Variants in TOP2B observed in about 807,000 individuals in gnomAD.
The protein encoded by TOP2B is DNA topoisomerase II beta, also known as DNA topoisomerase 2-beta.
Under a neutral mutation model 193.5 loss-of-function variants are expected in TOP2B, and 51 were observed. The observed-to-expected ratio is 0.26, with a 90% CI of 0.21 to 0.33. The LOEUF is 0.33. Ranked by LOEUF, TOP2B falls within the 10% of genes least tolerant of loss-of-function variation. The pLI is 1.00. For synonymous variants in TOP2B, 634 were observed against 635.7 expected (o/e 1.00, Z 0.04); for missense variants, 1,378 against 1,909.3 (o/e 0.72, Z 5.19).
In TOP2B at chr3:25,618,512, A is replaced by G. The variant is rs1702571981; in HGVS notation, c.3260-3T>C. 1 of 1,604,468 alleles carries G rather than the reference A, an allele frequency of 6.2e-7. No homozygotes were observed. The highest frequency in any genetic ancestry group is 8.5e-7 in the Non-Finnish European group (1 of 1,173,318). ...CAAATCTTTCTTTGACCTATTCTCT[A>G]TGTGAGGGAAAAATAAAGTTAGGAT... On this transcript the variant is annotated splice_polypyrimidine_tract_variant and splice_region_variant and intron_variant, in intron 24 of 35. Coordinates refer to ENST00000264331, the MANE Select transcript of TOP2B (RefSeq NM_001330700.2).
Position 25,598,176 on chromosome 3 carries a change from T to C in TOP2B, c.*131A>G. On this transcript the variant is annotated 3_prime_UTR_variant, in exon 36 of 36. Coordinates refer to ENST00000264331, the MANE Select transcript of TOP2B (RefSeq NM_001330700.2). ...TGTAAGAACAAAATGTTAAAAGGCC[T>C]ACCACAATAATAAAAAACCGTCAAT... 1 of 957,612 alleles carries C rather than the reference T, an allele frequency of 1.0e-6. No individual in the cohort carries two copies. The allele number at this position is 957,612 out of a possible 1,614,324, so 59.3% of individuals were successfully genotyped here. A position where few individuals can be genotyped will look rare whatever the true frequency, so the allele number is the denominator to read the frequency against.
rs1398451866 is a variant in TOP2B at position 25,609,577 on chromosome 3, T to C, written c.3922A>G (p.Lys1308Glu). ...TATAATCATTTCTCACCAGGCTCCT[T>C]CTTCTCCCTCTTAGGTTTGGGACCT... Reference protein sequence around the residue: ...NKGPKPKREKKEPGTRVRKTP... With the variant: ...NKGPKPKREKEEPGTRVRKTP... The change falls in exon 29 of 36, where the codon AAG (lysine) becomes GAG (glutamate). Residue 1308 changes from lysine (K) to glutamate (E), a missense_variant. This residue lies in a region of TOP2B where 556 missense variants were observed against 584.2 expected (regional missense o/e 0.95). Transcript: ENST00000264331. 12 of 1,606,414 alleles carry C rather than the reference T, an allele frequency of 7.5e-6. No homozygotes were observed. The South Asian group carries it at 1.0e-4, about 13-fold the overall frequency.
intron 11 of TOP2B, 139 bp downstream of exon 11, chr3:25,630,662 T>TA (rs1376640240): frequency 7.5e-5 from 67 of 894,262 alleles, no homozygotes; most frequent in Non-Finnish European, 9.1e-5. Context: ...ATATGTTGTG[T>TA]ATGTGATAAT....
At chr3:25,660,611 G>A (rs1286794742) in intron 1 of TOP2B, among the ~76,000 whole-genome samples, 1 of 152,098 alleles carries the variant, frequency 6.6e-6, no homozygotes, top group African/African-American at 2.4e-5. Context: ...CTTGTGTAGG[G>A]GACAGTGAAG....
Position 25,623,766 on chromosome 3 carries a change from G to T in TOP2B, c.2496-20C>A. ...AAAGTGCTAATGAAAACAAAAAGAA[G>T]CAAATGAAAAAATGTCATGGCTTTG... On this transcript the variant is annotated intron_variant, in intron 20 of 35. Transcript: ENST00000264331. 1 of 1,517,608 alleles carries T rather than the reference G, an allele frequency of 6.6e-7. No homozygotes were observed. The highest frequency in any genetic ancestry group is 9.0e-7 in the Non-Finnish European group (1 of 1,108,874). The allele number at this position is 1,517,608 out of a possible 1,614,324, so 94.0% of individuals were successfully genotyped here.
chr3:25,609,641 T>G lies in TOP2B; in HGVS notation c.3858A>C (p.Ala1286=). 1 of 1,574,026 alleles carries G rather than the reference T, an allele frequency of 6.4e-7. No homozygotes were observed. Among genetic ancestry groups the G allele is most frequent in the Non-Finnish European group, 8.6e-7 (1 of 1,162,048 alleles). The change falls in exon 29 of 36, where the codon GCA becomes GCC. Residue 1286 remains alanine, a synonymous_variant. Transcript: ENST00000264331. ...CTGATGGAGTCAATGCCTCTTCTCC[T>G]GCACCTTCTACTGGTGCTCCACTGA... ...EEFSGAPVEG[A]GEEALTPSVP... is the part of the protein sequence containing the mutation.
Position 25,610,300 on chromosome 3 carries a change from A to G in TOP2B, c.3787-588T>C, listed in dbSNP as rs367800667. On this transcript the variant is annotated intron_variant, in intron 28 of 35. Coordinates refer to ENST00000264331, the MANE Select transcript of TOP2B (RefSeq NM_001330700.2). ...ACCATGGGGTAAAAAAACAAAAACA[A>G]AAAACACAGAGGCACACAACAAGGA... is the stretch of plus-strand genomic sequence containing the variant. Among the ~76,000 whole-genome samples, 6 of 152,298 alleles carry G rather than the reference A, an allele frequency of 3.9e-5. No homozygotes were observed. In the East Asian group the frequency reaches 7.8e-4, roughly 20 times the overall value.
At chr3:25,626,020 C>T (rs930618931) in intron 18 of TOP2B, among the ~76,000 whole-genome samples, 2 of 151,252 alleles carry the variant, frequency 1.3e-5, no homozygotes, top group African/African-American at 4.9e-5. Context: ...ACCAGAAAAG[C>T]CAAGCAATAC....
chr3:25,632,337 T>G lies in TOP2B; in HGVS notation c.1266+109A>C. On this transcript the variant is annotated intron_variant, in intron 10 of 35. Transcript: ENST00000264331. ...TTAGTTTGTAGTGCAAGCATGCTTA[T>G]ACCCACAGTTAATACGATGAAAGAA... 4.3e-6 allele frequency: 4 copies of G among 921,372 alleles called. No individual in the cohort carries two copies. The South Asian group carries it at 7.1e-5, about 16-fold the overall frequency. 57.1% of individuals were successfully genotyped at this position (921,372 alleles called of 1,614,324 possible).
At chr3:25,635,579 A>C (rs796545745) in intron 7 of TOP2B, among the ~76,000 whole-genome samples, 2 of 152,296 alleles carry the variant, frequency 1.3e-5, no homozygotes, top group African/African-American at 4.8e-5. Flanking sequence ...AATGTCTTTG[A>C]CAGGCTCTTC....
chr3:25,658,249 AATTATT>A (rs566463535), intron 1 of TOP2B, among the ~76,000 whole-genome samples: 3 of 150,816 alleles, frequency 2.0e-5, no homozygotes, highest in Non-Finnish European at 3.0e-5. Flanking sequence ...ATATAATAAT[AATTATT>A]ATTATTATTT....
At chr3:25,649,597 G>T (rs1703520382) in intron 1 of TOP2B, among the ~76,000 whole-genome samples, 1 of 137,378 alleles carries the variant, frequency 7.3e-6, no homozygotes, top group Admixed American at 7.4e-5. Flanking sequence ...GAATATATCT[G>T]AAGTACTGAA....
intron 33 of TOP2B, among the ~76,000 whole-genome samples, chr3:25,603,029 G>A (rs1702147136): frequency 6.6e-6 from 1 of 152,126 alleles, no homozygotes; most frequent in Admixed American, 6.5e-5. Context: ...ACTTAGACAA[G>A]GCCAGTTCAG....
chr3:25,632,666 A>G, intron 9 of TOP2B, 27 bp downstream of exon 9: 1 of 1,606,574 alleles, frequency 6.2e-7, no homozygotes, highest in Non-Finnish European at 8.5e-7. Flanking sequence ...TGTATGCATC[A>G]TGTACAATAT....
Position 25,609,166 on chromosome 3 carries a change from TA to T in TOP2B, c.4093+16del, listed in dbSNP as rs1702307157. The T allele has an allele frequency of 1.3e-6, 2 of 1,592,108 alleles. No individual in the cohort carries two copies. The highest frequency in any genetic ancestry group is 1.7e-5 in the Admixed American group (1 of 57,868). On this transcript the variant is annotated intron_variant, in intron 30 of 35. Transcript: ENST00000264331. ...GTTAAACTATAATATACAGTAATAT[TA>T]AATGTGTTACAATACCTGCTGCTCT...
intron 32 of TOP2B, among the ~76,000 whole-genome samples, 161 bp downstream of exon 32, chr3:25,605,882 A>G (rs1702225974): frequency 6.6e-6 from 1 of 152,128 alleles, no homozygotes; most frequent in African/African-American, 2.4e-5. Flanking sequence ...ACCTCAGAAA[A>G]AGTAAAGAAG....
intron 17 of TOP2B, 30 bp from the exon 18 acceptor site, chr3:25,626,704 CATT>C: frequency 6.7e-7 from 1 of 1,496,974 alleles, no homozygotes; most frequent in Non-Finnish European, 9.1e-7. Context: ...GCAATATTAT[CATT>C]ATTACTGCAT....
At chr3:25,657,706 T>C (rs1158623921) in intron 1 of TOP2B, among the ~76,000 whole-genome samples, 1 of 152,168 alleles carries the variant, frequency 6.6e-6, no homozygotes, top group African/African-American at 2.4e-5. Flanking sequence ...AGATATCATG[T>C]TCTATAGCAA....
intron 1 of TOP2B, 83 bp downstream of exon 1, chr3:25,664,146 C>G: frequency 1.4e-6 from 2 of 1,458,732 alleles, no homozygotes; most frequent in Non-Finnish European, 1.8e-6. Context: ...CCCTCCCTTT[C>G]CCCTCCCCCG....
Sources: gnomAD v4.1 joint callset for allele counts (sites outside exome capture counted in the v4.1 genomes callset) on GRCh38, gnomAD v4.1.1 for gene constraint, gnomAD v4.1.1 regional missense constraint, MANE v1.5 for transcripts, NCBI Gene and HGNC (gene_info 2026-07-23, HGNC 2026-07-21) for gene names.